Variants in FCAMR observed in about 807,000 individuals in gnomAD.
FCAMR encodes Fc alpha and mu receptor, also known as high affinity immunoglobulin alpha and immunoglobulin mu Fc receptor.
Under a neutral mutation model 52.2 loss-of-function variants are expected in FCAMR, and 51 were observed. The ratio of observed to expected loss-of-function variants is 0.98; its 90% CI spans 0.78 to 1.23. The LOEUF is 1.23. FCAMR is among the 50% of genes most tolerant of loss of function. The pLI, the probability that FCAMR is intolerant of heterozygous loss-of-function variation, is 0.00. For missense variants in FCAMR, 719 were observed against 712.6 expected, an observed-to-expected ratio of 1.01 and a Z score of -0.10; for synonymous variants, 282 against 262.0, an observed-to-expected ratio of 1.08 and a Z score of -0.74.
chr1:206,961,027 G>A lies in FCAMR; in HGVS notation c.849C>T (p.Thr283=). ...KTTASAEGRR[T]PGATRPAAPG... Reference sequence around the variant, plus strand: ...GAGCTGCTGGCCTGGTTGCTCCTGGGGTTCGTCTTCCCTCAGCTGAAGCTG... The same window carrying A: ...GAGCTGCTGGCCTGGTTGCTCCTGGAGTTCGTCTTCCCTCAGCTGAAGCTG... The change falls in exon 6 of 8, where the codon ACC becomes ACT. Residue 283 remains threonine (T), a synonymous_variant. Transcript: ENST00000324852. The A allele has an allele frequency of 6.4e-7, 1 of 1,551,890 alleles. No individual in the cohort carries two copies. Among genetic ancestry groups the A allele is most frequent in the Non-Finnish European group, 8.7e-7 (1 of 1,147,032 alleles).
intron 3 of FCAMR, among the ~76,000 whole-genome samples, chr1:206,966,372 T>C (rs114121306): frequency 0.041 from 6,257 of 152,192 alleles, 440 homozygotes; most frequent in African/African-American, 0.14. Flanking sequence ...TACTCAAATA[T>C]TGGCTACATT....
intron 5 of FCAMR, 27 bp downstream of exon 5, chr1:206,962,186 C>T (rs370990821): frequency 5.6e-5 from 89 of 1,601,996 alleles, no homozygotes; most frequent in Non-Finnish European, 7.3e-5. Context: ...CTTCACCAAG[C>T]TTGGCCCATC....
Position 206,970,201 on chromosome 1 carries a change from C to T in FCAMR, c.-76G>A. On this transcript the variant is annotated 5_prime_UTR_variant, in exon 1 of 8. Coordinates refer to ENST00000324852, the MANE Select transcript of FCAMR (RefSeq NM_001170631.2). ...CAGGTGTTTGGACGACTTCTAGTTG[C>T]TCTCCTTTAAACCTGGAGACTGAGA... 2 of 1,552,070 alleles carry T rather than the reference C, an allele frequency of 1.3e-6. No individual in the cohort carries two copies. The highest frequency in any genetic ancestry group is 1.8e-6 in the Non-Finnish European group (2 of 1,126,918).
intron 1 of FCAMR, among the ~76,000 whole-genome samples, chr1:206,968,474 G>C (rs2102270603): frequency 6.6e-6 from 1 of 152,324 alleles, no homozygotes; most frequent in East Asian, 1.9e-4. Flanking sequence ...GAGACCTATA[G>C]ATTTTTGAAA....
chr1:206,964,372 T>C (rs981928123), intron 4 of FCAMR, among the ~76,000 whole-genome samples: 2 of 152,002 alleles, frequency 1.3e-5, no homozygotes, highest in Admixed American at 1.3e-4. Context: ...GAAAGTTCAG[T>C]TTAATATCCT....
chr1:206,965,672 G>T (rs1008976785), intron 4 of FCAMR, 43 bp downstream of exon 4: 2 of 1,517,052 alleles, frequency 1.3e-6, no homozygotes, highest in East Asian at 2.4e-5. Context: ...AGCCTGGGAA[G>T]TCTGAGGTCC....
chr1:206,964,314 T>A (rs903998995), intron 4 of FCAMR, among the ~76,000 whole-genome samples: 3 of 152,104 alleles, frequency 2.0e-5, no homozygotes, highest in Non-Finnish European at 4.4e-5. Flanking sequence ...AGGATGTGGA[T>A]GCCTGGCACC....
intron 5 of FCAMR, 120 bp from the exon 6 acceptor site, chr1:206,961,343 G>T: frequency 1.4e-6 from 1 of 733,702 alleles, no homozygotes; most frequent in Non-Finnish European, 2.2e-6. Context: ...AAGAGTTGCA[G>T]TCTTTGACCA....
At chr1:206,962,817 G>T (rs960623808) in intron 4 of FCAMR, among the ~76,000 whole-genome samples, 2 of 152,166 alleles carry the variant, frequency 1.3e-5, no homozygotes, top group African/African-American at 4.8e-5. Context: ...TCCATCCAGA[G>T]CCTGGGTTCC....
Position 206,962,369 on chromosome 1 carries a change from A to G in FCAMR, c.496T>C (p.Tyr166His). 1 of 1,614,234 alleles carries G rather than the reference A, an allele frequency of 6.2e-7. No individual in the cohort carries two copies. Among genetic ancestry groups the G allele is most frequent in the Non-Finnish European group, 8.5e-7 (1 of 1,180,042 alleles). ...TCTGTGAGGGCCACACGGTCACGAT[A>G]GCGATGGTGAGTATACTGGTTGGTG... is the stretch of plus-strand genomic sequence containing the variant. ...VSTNQYTHHR[Y>H]RDRVALTDFP... is the part of the protein sequence containing the mutation. The change falls in exon 5 of 8, where the codon TAT (tyrosine) becomes CAT (histidine). Residue 166 changes from tyrosine (Y) to histidine (H), a missense_variant. Tyr to His is a moderately conservative substitution (Grantham distance 83, BLOSUM62 2). Transcript: ENST00000324852.
rs770891928 is a variant in FCAMR at position 206,965,867 on chromosome 1, A to G, written c.170-9T>C. The G allele has an allele frequency of 2.5e-6, 4 of 1,607,912 alleles. No homozygotes were observed. Among genetic ancestry groups the G allele is most frequent in the Non-Finnish European group, 3.4e-6 (4 of 1,177,356 alleles). On this transcript the variant is annotated splice_polypyrimidine_tract_variant and intron_variant, in intron 3 of 7. Coordinates refer to ENST00000324852, the MANE Select transcript of FCAMR (RefSeq NM_001170631.2). ...AAGGGCGAAAGAAGAACCTGCAGCAAAGGAAGGAGATGGGTCATCAGGGGG... is the reference window on the plus strand; with the variant it reads ...AAGGGCGAAAGAAGAACCTGCAGCAGAGGAAGGAGATGGGTCATCAGGGGG...
rs573320714 is a variant in FCAMR at position 206,959,798 on chromosome 1, C to T, written c.1455-1G>A. 2 of 1,611,628 alleles carry T rather than the reference C, an allele frequency of 1.2e-6. No homozygotes were observed. The highest frequency in any genetic ancestry group is 2.7e-5 in the African/African-American group (2 of 74,858). ...GCTGCTTTCATCTTCTGGAAAAGTACTACAGTGGGGGTGGAAAGAGCACAG... is the reference window on the plus strand; with the variant it reads ...GCTGCTTTCATCTTCTGGAAAAGTATTACAGTGGGGGTGGAAAGAGCACAG... On this transcript the variant is annotated splice_acceptor_variant, in intron 6 of 7. Transcript: ENST00000324852. LOFTEE classifies it high-confidence loss of function.
chr1:206,963,646 G>T (rs929140973), intron 4 of FCAMR, among the ~76,000 whole-genome samples: 11 of 152,140 alleles, frequency 7.2e-5, no homozygotes, highest in Non-Finnish European at 1.3e-4. Flanking sequence ...AGGGGGGCAT[G>T]GTTGGGGTCT....
intron 3 of FCAMR, 31 bp from the exon 4 acceptor site, chr1:206,965,889 G>T: frequency 6.2e-7 from 1 of 1,608,984 alleles, no homozygotes; most frequent in Non-Finnish European, 8.5e-7. Context: ...GGGTCATCAG[G>T]GGGCCATCCA....
At chr1:206,969,960 G>A (rs1572671259) in intron 1 of FCAMR, 127 bp downstream of exon 1, 3 of 1,102,226 alleles carry the variant, frequency 2.7e-6, no homozygotes, top group Middle Eastern at 2.6e-4. Flanking sequence ...CCCTTACCTG[G>A]CCTCCTGGGA....
chr1:206,967,215 T>G, intron 2 of FCAMR, 103 bp from the exon 3 acceptor site: 1 of 1,193,100 alleles, frequency 8.4e-7, no homozygotes, highest in South Asian at 1.3e-5. Flanking sequence ...CTCGGTTTGC[T>G]CAGTGCAGGG....
At chr1:206,965,991 G>A (rs1572666634) in intron 3 of FCAMR, 133 bp from the exon 4 acceptor site, 28 of 1,228,444 alleles carry the variant, frequency 2.3e-5, no homozygotes, top group Non-Finnish European at 3.1e-5. Context: ...CATCAAGTAA[G>A]AGCTGCCTGC....
rs377366458 is a variant in FCAMR at position 206,959,065 on chromosome 1, G to A, written c.1574-389C>T. 223 of 428,108 alleles carry A rather than the reference G, an allele frequency of 5.2e-4. 5 individuals carry two copies. Among genetic ancestry groups the A allele is most frequent in the South Asian group, 4.1e-3 (218 of 53,566 alleles). 26.5% of individuals were successfully genotyped at this position (428,108 alleles called of 1,614,324 possible). A position where few individuals can be genotyped will look rare whatever the true frequency, so the allele number is the denominator to read the frequency against. ...TGCACTCCTGCTCTCTGCTGTGAGG[G>A]TTGCTTATGAGGCTTATGGTTAACA... On this transcript the variant is annotated intron_variant, in intron 7 of 7. Coordinates refer to ENST00000324852, the MANE Select transcript of FCAMR (RefSeq NM_001170631.2).
At chr1:206,964,472 G>T (rs189031388) in intron 4 of FCAMR, among the ~76,000 whole-genome samples, 2 of 151,790 alleles carry the variant, frequency 1.3e-5, no homozygotes, top group East Asian at 3.9e-4. Flanking sequence ...AGGTGATTGG[G>T]TTGTGGGGGA....
Sources: allele counts gnomAD v4.1 joint callset (sites outside exome capture counted in the v4.1 genomes callset), GRCh38; gene constraint gnomAD v4.1.1; transcripts MANE v1.5; gene names NCBI Gene and HGNC (gene_info 2026-07-23, HGNC 2026-07-21).